TENM4: variants seen among roughly 807,000 people sequenced by gnomAD.
The protein encoded by TENM4 is teneurin transmembrane protein 4.
Under a neutral mutation model 243.3 loss-of-function variants are expected in TENM4, and 82 were observed. That is an observed-to-expected ratio of 0.34 (90% CI 0.28 to 0.40). The LOEUF is 0.40. Ranked by LOEUF, TENM4 falls within the 10% of genes least tolerant of loss-of-function variation. TENM4 has a pLI of 1.00. For synonymous variants in TENM4, 1,412 were observed against 1,456.3 expected (o/e 0.97, Z 0.69); for missense variants, 3,138 against 3,673.3 (o/e 0.85, Z 3.77).
chr11:79,347,505 G>T (rs1471910197), intron 1 of TENM4, among the ~76,000 whole-genome samples: 1 of 152,160 alleles, frequency 6.6e-6, no homozygotes, highest in African/African-American at 2.4e-5. Flanking sequence ...CACTGGAGGA[G>T]GTATAAGGTG....
Position 78,661,542 on chromosome 11 carries a change from G to T in TENM4, c.7458C>A (p.Ile2486=). The change falls in exon 33 of 34, where the codon ATC becomes ATA. Residue 2486 remains isoleucine, a synonymous_variant. Coordinates refer to ENST00000278550, the MANE Select transcript of TENM4 (RefSeq NM_001098816.3). ...LTFGFQLHNV[I]PGYPKPDMDA... ...CCATGTCTGGTTTGGGATAACCAGG[G>T]ATCACGTTGTGTAGCTGGAATCCAA... 1 of 1,613,306 alleles carries T rather than the reference G, an allele frequency of 6.2e-7. No individual in the cohort carries two copies. Among genetic ancestry groups the T allele is most frequent in the Non-Finnish European group, 8.5e-7 (1 of 1,179,734 alleles).
chr11:79,366,979 G>T (rs919329334), intron 1 of TENM4, among the ~76,000 whole-genome samples: 3 of 152,098 alleles, frequency 2.0e-5, no homozygotes, highest in African/African-American at 4.8e-5. Context: ...TTCCTCCTTG[G>T]ATCAGAAAAT....
intron 2 of TENM4, among the ~76,000 whole-genome samples, chr11:79,229,441 T>C (rs184044558): frequency 6.6e-6 from 1 of 152,222 alleles, no homozygotes; most frequent in South Asian, 2.1e-4. Context: ...TCTATACTTT[T>C]GCTGTTTCTT....
chr11:79,110,945 C>T (rs755627375), intron 4 of TENM4, among the ~76,000 whole-genome samples: 2 of 152,186 alleles, frequency 1.3e-5, no homozygotes, highest in Non-Finnish European at 2.9e-5. Context: ...CAACAACAGC[C>T]ATTCCTGGAA....
At chr11:78,985,432 A>G (rs763744169) in intron 6 of TENM4, among the ~76,000 whole-genome samples, 5 of 152,300 alleles carry the variant, frequency 3.3e-5, no homozygotes, top group Non-Finnish European at 7.4e-5. Context: ...AACCTAAGCA[A>G]CCCTGGGTAG....
At position 79,169,539 on chromosome 11, in the gene TENM4, C is replaced by T. The variant is rs377191350; in HGVS notation, c.-162-20733G>A. ...TTGTGCTGCAGTAACTCAAGCTCCC[C>T]CAGAGACTGTTGATTGAACAAATCT... On this transcript the variant is annotated intron_variant, in intron 3 of 33. Transcript: ENST00000278550. 1.3e-3 allele frequency among the ~76,000 whole-genome samples: 196 copies of T among 152,236 alleles called. 2 individuals are homozygous for T. In the South Asian group the frequency reaches 0.038, roughly 30 times the overall value.
intron 28 of TENM4, among the ~76,000 whole-genome samples, chr11:78,697,727 A>T (rs1412500412): frequency 6.6e-6 from 1 of 152,218 alleles, no homozygotes; most frequent in Non-Finnish European, 1.5e-5. Flanking sequence ...TAAGGTGAGC[A>T]TAATTATAAT....
chr11:79,435,004 A>C (rs1288915191), intron 1 of TENM4, among the ~76,000 whole-genome samples: 6 of 152,246 alleles, frequency 3.9e-5, no homozygotes, highest in Admixed American at 3.9e-4. Context: ...AGCATTACAA[A>C]TGTCACCGTA....
intron 32 of TENM4, among the ~76,000 whole-genome samples, chr11:78,666,790 C>A (rs2135657669): frequency 6.6e-6 from 1 of 152,232 alleles, no homozygotes; most frequent in Middle Eastern, 3.4e-3. Flanking sequence ...TGATGGTGAT[C>A]TCACAGTTGT....
At chr11:78,737,315 C>T (rs1855823788) in intron 20 of TENM4, among the ~76,000 whole-genome samples, 1 of 152,148 alleles carries the variant, frequency 6.6e-6, no homozygotes, top group African/African-American at 2.4e-5. Context: ...CCAGTTTATC[C>T]CTGAAGACTG....
chr11:79,235,457 C>T (rs1488160326), intron 2 of TENM4, among the ~76,000 whole-genome samples: 8 of 152,244 alleles, frequency 5.3e-5, no homozygotes, highest in Middle Eastern at 3.4e-3. Context: ...CCTAGTCATG[C>T]GGCCTGACAC....
chr11:79,195,197 A>C (rs569119114), intron 3 of TENM4, among the ~76,000 whole-genome samples: 16 of 152,342 alleles, frequency 1.1e-4, no homozygotes, highest in African/African-American at 3.8e-4. Context: ...TGCTGAGGCA[A>C]AAGTCTGCTG....
At chr11:79,195,564 T>A (rs1183651292) in intron 3 of TENM4, among the ~76,000 whole-genome samples, 1 of 152,176 alleles carries the variant, frequency 6.6e-6, no homozygotes, top group East Asian at 1.9e-4. Context: ...AAAATTTGAC[T>A]GCCGCTGGAT....
intron 6 of TENM4, among the ~76,000 whole-genome samples, chr11:79,002,760 A>G (rs548496430): frequency 6.6e-5 from 10 of 152,316 alleles, no homozygotes; most frequent in East Asian, 5.8e-4. Flanking sequence ...CTCATCTCCA[A>G]TTGACTGCAC....
At chr11:79,044,926 ATGTT>A (rs1565180373) in intron 6 of TENM4, among the ~76,000 whole-genome samples, 1 of 152,118 alleles carries the variant, frequency 6.6e-6, no homozygotes, top group African/African-American at 2.4e-5. Flanking sequence ...TTTTTAAAGT[ATGTT>A]TATTATAGAA....
intron 1 of TENM4, among the ~76,000 whole-genome samples, chr11:79,334,113 G>C (rs943381229): frequency 1.3e-5 from 2 of 152,172 alleles, no homozygotes; most frequent in African/African-American, 4.8e-5. Flanking sequence ...TGGGCTTGTG[G>C]GACAAAGTAA....
chr11:79,283,342 C>A (rs942871673), intron 2 of TENM4, among the ~76,000 whole-genome samples: 1 of 151,230 alleles, frequency 6.6e-6, no homozygotes, highest in Non-Finnish European at 1.5e-5. Flanking sequence ...TTGAATCCAA[C>A]AACACGTAAA....
At position 78,683,321 on chromosome 11, in the gene TENM4, C is replaced by T. The variant is rs567277252; in HGVS notation, c.5260+4733G>A. On this transcript the variant is annotated intron_variant, in intron 29 of 33. Coordinates refer to ENST00000278550, the MANE Select transcript of TENM4 (RefSeq NM_001098816.3). Reference sequence around the variant, plus strand: ...TGGGCTCCACCCAGTTCGAGCTTCGCGGCTGCTTTGTTTACCTAAGCGAGC... The same window carrying T: ...TGGGCTCCACCCAGTTCGAGCTTCGTGGCTGCTTTGTTTACCTAAGCGAGC... Among the ~76,000 whole-genome samples the T allele has an allele frequency of 7.8e-4, 58 of 74,180 alleles. 16 individuals are homozygous for T. Among genetic ancestry groups the T allele is most frequent in the Non-Finnish European group, 1.5e-3 (49 of 33,652 alleles). The allele number at this position is 74,180 out of a possible 152,430, so 48.7% of individuals were successfully genotyped here.
chr11:79,091,109 C>A (rs762297863), intron 4 of TENM4, among the ~76,000 whole-genome samples: 2 of 152,120 alleles, frequency 1.3e-5, no homozygotes, highest in Non-Finnish European at 2.9e-5. Context: ...CCAGCCTAGG[C>A]GCTTACTTAT....
Sources: gnomAD v4.1 joint callset for allele counts (sites outside exome capture counted in the v4.1 genomes callset) on GRCh38, gnomAD v4.1.1 for gene constraint, MANE v1.5 for transcripts, NCBI Gene and HGNC (gene_info 2026-07-23, HGNC 2026-07-21) for gene names.